The following RAB4A variants were observed in gnomAD, a reference collection of about 807,000 sequenced individuals.
RAB4A encodes ras-related protein Rab-4A.
A neutral mutation model predicts 34.5 loss-of-function variants in RAB4A; 20 were observed. The observed-to-expected ratio is 0.58, with a 90% confidence interval of 0.41 to 0.84. The LOEUF is 0.84. RAB4A is among the 40% of genes least tolerant of loss of function. The pLI, the probability that RAB4A is intolerant of heterozygous loss-of-function variation, is 0.00. For synonymous variants in RAB4A, 102 were observed against 100.0 expected (o/e 1.02, Z -0.12); for missense variants, 228 against 274.5 (o/e 0.83, Z 1.20).
chr1:229,274,487 G>C (rs138230655), intron 1 of RAB4A, among the ~76,000 whole-genome samples: 2 of 152,242 alleles, frequency 1.3e-5, no homozygotes, highest in African/African-American at 2.4e-5. Context: ...TTGCTTTGAA[G>C]TCACCACATG....
chr1:229,276,472 G>C (rs1223831707), intron 1 of RAB4A, among the ~76,000 whole-genome samples: 1 of 151,316 alleles, frequency 6.6e-6, no homozygotes, highest in Non-Finnish European at 1.5e-5. Context: ...TATATTTCTA[G>C]TCACATCCTT....
chr1:229,285,556 CAG>C (rs888140517), intron 1 of RAB4A, among the ~76,000 whole-genome samples: 2 of 152,008 alleles, frequency 1.3e-5, no homozygotes, highest in African/African-American at 2.4e-5. Flanking sequence ...AAGCTACAAA[CAG>C]GGGAGCCAGG....
intron 3 of RAB4A, among the ~76,000 whole-genome samples, chr1:229,294,677 T>G (rs1305570848): frequency 6.6e-6 from 1 of 152,134 alleles, no homozygotes; most frequent in East Asian, 1.9e-4. Flanking sequence ...CCGTCTGTAC[T>G]AAAAATACAA....
Position 229,304,710 on chromosome 1 carries a change from T to C in RAB4A, c.*917T>C, listed in dbSNP as rs1657502681. The C allele has an allele frequency of 6.6e-6, 1 of 152,596 alleles. No homozygotes were observed. Among genetic ancestry groups the C allele is most frequent in the Non-Finnish European group, 1.5e-5 (1 of 68,294 alleles). 9.5% of individuals were successfully genotyped at this position (152,596 alleles called of 1,614,324 possible). On this transcript the variant is annotated 3_prime_UTR_variant, in exon 8 of 8. Coordinates refer to ENST00000366690, the MANE Select transcript of RAB4A (RefSeq NM_004578.4). The stretch of plus-strand genomic sequence containing the variant: ...ATCACTGCCTGTTTTTCACATCTTT[T>C]GTTTCCTGTTCATTTTAAGGAAACC...
intron 6 of RAB4A, among the ~76,000 whole-genome samples, chr1:229,299,762 C>G (rs1164745927): frequency 2.0e-5 from 3 of 152,206 alleles, no homozygotes; most frequent in East Asian, 3.9e-4. Context: ...CCCTTGCCCC[C>G]CAAGAAACTG....
At chr1:229,292,267 G>A (rs1429583612) in intron 3 of RAB4A, among the ~76,000 whole-genome samples, 1 of 151,850 alleles carries the variant, frequency 6.6e-6, no homozygotes, top group Non-Finnish European at 1.5e-5. Context: ...ACACCTCAAA[G>A]TAGTATTCTT....
At chr1:229,272,817 T>A (rs1271902391) in intron 1 of RAB4A, among the ~76,000 whole-genome samples, 3 of 152,142 alleles carry the variant, frequency 2.0e-5, no homozygotes, top group Non-Finnish European at 4.4e-5. Flanking sequence ...CTTCAGTGAG[T>A]GACTCCTGTG....
rs1657491984 is a variant in RAB4A at position 229,304,317 on chromosome 1, C to T, written c.*524C>T. The T allele has an allele frequency of 2.0e-5, 3 of 151,974 alleles. No homozygotes were observed. In the South Asian group the frequency reaches 6.2e-4, roughly 32 times the overall value. The allele number at this position is 151,974 out of a possible 1,614,324, so 9.4% of individuals were successfully genotyped here. A position where few individuals can be genotyped will look rare whatever the true frequency, so the allele number is the denominator to read the frequency against. ...ATTTAACTCCGTTTACTACATTCTA[C>T]ATGGTGTTTACGTGATCCACACTTG... On this transcript the variant is annotated 3_prime_UTR_variant, in exon 8 of 8. Transcript: ENST00000366690.
chr1:229,298,852 A>G (rs1044934438), intron 5 of RAB4A, 125 bp from the exon 6 acceptor site: 17 of 680,340 alleles, frequency 2.5e-5, no homozygotes, highest in East Asian at 1.7e-4. Context: ...TTACAGAAAT[A>G]TATGGTTTTA....
chr1:229,295,838 A>T lies in RAB4A; in HGVS notation c.228-10A>T. 1 of 1,613,998 alleles carries T rather than the reference A, an allele frequency of 6.2e-7. No individual in the cohort carries two copies. The highest frequency in any genetic ancestry group is 8.5e-7 in the Non-Finnish European group (1 of 1,179,948). On this transcript the variant is annotated splice_polypyrimidine_tract_variant and intron_variant, in intron 3 of 7. Coordinates refer to ENST00000366690, the MANE Select transcript of RAB4A (RefSeq NM_004578.4). The stretch of plus-strand genomic sequence containing the variant: ...ATTGGTTGAAAGTAAAACCAGTATA[A>T]TTCTTCCAGGTCCGTGACGAGAAGT...
intron 6 of RAB4A, among the ~76,000 whole-genome samples, 175 bp downstream of exon 6, chr1:229,299,247 C>T (rs182481288): frequency 1.4e-4 from 22 of 152,318 alleles, no homozygotes; most frequent in Admixed American, 1.2e-3. Flanking sequence ...AGGATGAAAG[C>T]CCCATCCTTA....
rs1657484643 is a variant in RAB4A at position 229,303,998 on chromosome 1, T to C, written c.*205T>C. The stretch of plus-strand genomic sequence containing the variant: ...GAATTAAATGGACAACACCGTTAGA[T>C]GTGTATGTAAAAATTTTCTGTTTCA... On this transcript the variant is annotated 3_prime_UTR_variant, in exon 8 of 8. Transcript: ENST00000366690. The C allele has an allele frequency of 6.6e-6, 1 of 152,264 alleles. No homozygotes were observed. The highest frequency in any genetic ancestry group is 1.5e-5 in the Non-Finnish European group (1 of 68,048). The allele number at this position is 152,264 out of a possible 1,614,324, so 9.4% of individuals were successfully genotyped here. A position where few individuals can be genotyped will look rare whatever the true frequency, so the allele number is the denominator to read the frequency against.
At chr1:229,293,229 C>T (rs569960893) in intron 3 of RAB4A, among the ~76,000 whole-genome samples, 1 of 152,186 alleles carries the variant, frequency 6.6e-6, no homozygotes, top group East Asian at 1.9e-4. Flanking sequence ...CTCTCTGACC[C>T]CCATCCTTTT....
rs1311292750 is a variant in RAB4A at position 229,297,559 on chromosome 1, T to G, written c.368T>G (p.Leu123Arg). 6.2e-7 allele frequency: 1 copy of G among 1,613,282 alleles called. No homozygotes were observed. The highest frequency in any genetic ancestry group is 8.5e-7 in the Non-Finnish European group (1 of 1,179,922). The change falls in exon 5 of 8, where the codon CTT (leucine) becomes CGT (arginine). Residue 123 changes from leucine (L) to arginine (R), a missense_variant. Leu to Arg is a moderately radical substitution (Grantham distance 102). Coordinates refer to ENST00000366690, the MANE Select transcript of RAB4A (RefSeq NM_004578.4). ...MLASQNIVIILCGNKKDLDAD... is the reference protein window; with the variant it reads ...MLASQNIVIIRCGNKKDLDAD... Reference sequence around the variant, plus strand: ...GCGAGCCAGAACATTGTGATCATCCTTTGTGGAAACAAGAAGGACCTGGAT... The same window carrying G: ...GCGAGCCAGAACATTGTGATCATCCGTTGTGGAAACAAGAAGGACCTGGAT...
intron 1 of RAB4A, among the ~76,000 whole-genome samples, chr1:229,281,087 A>G (rs1558235729): frequency 6.6e-6 from 1 of 152,206 alleles, no homozygotes; most frequent in Non-Finnish European, 1.5e-5. Flanking sequence ...TGCCATAAAC[A>G]TTCATATACA....
chr1:229,285,248 A>G (rs1183618601), intron 1 of RAB4A, among the ~76,000 whole-genome samples: 1 of 152,090 alleles, frequency 6.6e-6, no homozygotes, highest in Non-Finnish European at 1.5e-5. Context: ...GGGCTCAAAC[A>G]ATCCTCCCTC....
intron 3 of RAB4A, among the ~76,000 whole-genome samples, chr1:229,294,298 G>A (rs1157205973): frequency 5.3e-5 from 8 of 152,236 alleles, no homozygotes; most frequent in African/African-American, 1.9e-4. Flanking sequence ...CAGCTCTGGG[G>A]AATCGCAATC....
intron 1 of RAB4A, 57 bp downstream of exon 1, chr1:229,271,427 G>A (rs1046643417): frequency 2.7e-4 from 322 of 1,183,674 alleles, no homozygotes; most frequent in Middle Eastern, 6.5e-4. Context: ...CGTCGGTGGC[G>A]CGGGGCCGGG....
chr1:229,281,749 A>G (rs954370839), intron 1 of RAB4A, among the ~76,000 whole-genome samples: 1 of 150,640 alleles, frequency 6.6e-6, no homozygotes, highest in Non-Finnish European at 1.5e-5. Flanking sequence ...TGTGGAATGT[A>G]TCTCTGCTCA....
Sources: gnomAD v4.1 joint callset for allele counts (sites outside exome capture counted in the v4.1 genomes callset) on GRCh38, gnomAD v4.1.1 for gene constraint, MANE v1.5 for transcripts, NCBI Gene and HGNC (gene_info 2026-07-23, HGNC 2026-07-21) for gene names.